Variants in SAMD12 observed in about 807,000 individuals in gnomAD.
SAMD12 encodes the protein sterile alpha motif domain containing 12, also known as sterile alpha motif domain-containing protein 12.
A neutral mutation model predicts 15.0 loss-of-function variants in SAMD12; 9 were observed. The observed-to-expected ratio is 0.60, with a 90% CI of 0.36 to 1.05. SAMD12 has a LOEUF of 1.05. Ranked by LOEUF, SAMD12 falls within the 50% of genes least tolerant of loss-of-function variation. SAMD12 has a pLI of 0.01. For missense variants in SAMD12, 230 were observed against 234.2 expected (o/e 0.98, Z 0.12); for synonymous variants, 86 against 90.1 (o/e 0.96, Z 0.25).
At chr8:118,229,749 C>G (rs10112637) in intron 4 of SAMD12, among the ~76,000 whole-genome samples, 1 of 152,162 alleles carries the variant, frequency 6.6e-6, no homozygotes, top group Non-Finnish European at 1.5e-5. Context: ...CCAGTCTCCC[C>G]CTTCATTACA....
chr8:118,147,506 G>A, the SAMD12 span, among the ~76,000 whole-genome samples: 1 of 151,336 alleles, frequency 6.6e-6, no homozygotes, highest in East Asian at 2.0e-4. Context: ...GATTACAGGT[G>A]TGTGCCATCT....
At chr8:118,190,993 T>A (rs182401949) in exon 5 of SAMD12, 1 of 152,224 alleles carries the variant, frequency 6.6e-6, no homozygotes, top group African/African-American at 2.4e-5. Flanking sequence ...ACAAGATTGA[T>A]CTTTTCTAAA....
intron 4 of SAMD12, among the ~76,000 whole-genome samples, chr8:118,303,705 A>T (rs1435822269): frequency 6.6e-6 from 1 of 151,904 alleles, no homozygotes; most frequent in East Asian, 1.9e-4. Flanking sequence ...TGAAATTAAC[A>T]TGGCGTTTTG....
chr8:118,612,753 T>C (rs1828139392), intron 1 of SAMD12, among the ~76,000 whole-genome samples: 1 of 152,264 alleles, frequency 6.6e-6, no homozygotes, highest in African/African-American at 2.4e-5. Context: ...TCGCACAACC[T>C]GTAAGCAACT....
intron 3 of SAMD12, among the ~76,000 whole-genome samples, chr8:118,419,960 G>T (rs914161992): frequency 6.6e-6 from 1 of 152,220 alleles, no homozygotes. Context: ...TTGCAGAAAA[G>T]CTGTGCAAGC....
At chr8:118,618,325 T>G (rs1277889011) in intron 1 of SAMD12, among the ~76,000 whole-genome samples, 1 of 152,202 alleles carries the variant, frequency 6.6e-6, no homozygotes, top group Non-Finnish European at 1.5e-5. Context: ...AGTAACACTT[T>G]TACAAATTCA....
intron 4 of SAMD12, among the ~76,000 whole-genome samples, chr8:118,320,461 TTTTG>T (rs1381874968): frequency 3.9e-5 from 6 of 152,202 alleles, no homozygotes; most frequent in Non-Finnish European, 7.4e-5. Flanking sequence ...TATTTTCTTT[TTTTG>T]TTTGTTTCTT....
intron 4 of SAMD12, among the ~76,000 whole-genome samples, chr8:118,365,586 C>A (rs1247438365): frequency 1.3e-5 from 2 of 152,068 alleles, no homozygotes; most frequent in Admixed American, 1.3e-4. Flanking sequence ...TATTCCCAGG[C>A]CTTCAGAATT....
At chr8:118,305,270 A>T (rs1012833832) in intron 4 of SAMD12, among the ~76,000 whole-genome samples, 1 of 151,526 alleles carries the variant, frequency 6.6e-6, no homozygotes. Flanking sequence ...GAAACTCTGA[A>T]CCTGTTAAAT....
chr8:118,241,764 C>A (rs28370846), intron 4 of SAMD12, among the ~76,000 whole-genome samples: 1,765 of 152,174 alleles, frequency 0.012, 48 homozygotes, highest in African/African-American at 0.041. Flanking sequence ...GGTATGGTAT[C>A]AACAAAGTAC....
chr8:118,587,333 G>C (rs546014068), intron 1 of SAMD12, among the ~76,000 whole-genome samples: 1 of 152,094 alleles, frequency 6.6e-6, no homozygotes, highest in African/African-American at 2.4e-5. Context: ...TTCTGGATTC[G>C]AATTCAGCAG....
At chr8:118,306,031 T>G (rs1449261221) in intron 4 of SAMD12, among the ~76,000 whole-genome samples, 2 of 152,176 alleles carry the variant, frequency 1.3e-5, no homozygotes, top group Non-Finnish European at 2.9e-5. Flanking sequence ...TACTTCGAGG[T>G]TCTGCCTTGT....
chr8:118,293,180 G>T (rs895061079), intron 4 of SAMD12, among the ~76,000 whole-genome samples: 2 of 152,092 alleles, frequency 1.3e-5, no homozygotes, highest in African/African-American at 2.4e-5. Flanking sequence ...AGTGCTAATG[G>T]CAGAAACCAG....
At chr8:118,303,676 CTG>C (rs1815163995) in intron 4 of SAMD12, among the ~76,000 whole-genome samples, 2 of 151,484 alleles carry the variant, frequency 1.3e-5, no homozygotes, top group East Asian at 1.9e-4. Flanking sequence ...TTTTTCCTGA[CTG>C]TGTTTCTAAT....
intron 1 of SAMD12, among the ~76,000 whole-genome samples, chr8:118,602,509 TCTTA>T (rs1827886095): frequency 6.6e-6 from 1 of 152,238 alleles, no homozygotes; most frequent in Non-Finnish European, 1.5e-5. Flanking sequence ...CTGCTAACTT[TCTTA>T]GAGACAACAC....
At chr8:118,249,355 A>G (rs1323994187) in intron 4 of SAMD12, among the ~76,000 whole-genome samples, 2 of 152,190 alleles carry the variant, frequency 1.3e-5, no homozygotes, top group African/African-American at 4.8e-5. Flanking sequence ...TCTCTAGATT[A>G]TAATAAATAC....
chr8:118,278,740 A>C (rs898354620), intron 4 of SAMD12, among the ~76,000 whole-genome samples: 4 of 152,232 alleles, frequency 2.6e-5, no homozygotes, highest in Non-Finnish European at 5.9e-5. Flanking sequence ...GGGTCAGTAA[A>C]CAAACATGCA....
At chr8:118,158,731 T>A in the SAMD12 span, among the ~76,000 whole-genome samples, 2 of 152,250 alleles carry the variant, frequency 1.3e-5, no homozygotes, top group East Asian at 3.9e-4. Context: ...CCAATCAGCA[T>A]GCACTTCCTC....
chr8:118,379,884 T>C (rs1447246255), intron 3 of SAMD12, among the ~76,000 whole-genome samples, 184 bp from the exon 4 acceptor site: 1 of 152,194 alleles, frequency 6.6e-6, no homozygotes, highest in African/African-American at 2.4e-5. Flanking sequence ...AAAATACACA[T>C]ATTTAAAAGA....
Sources: allele counts gnomAD v4.1 joint callset (sites outside exome capture counted in the v4.1 genomes callset), GRCh38; gene constraint gnomAD v4.1.1; transcripts MANE v1.5; gene names NCBI Gene and HGNC (gene_info 2026-07-23, HGNC 2026-07-21).